PDE3B: variants seen among roughly 807,000 people sequenced by gnomAD.
PDE3B encodes phosphodiesterase 3B, also known as cGMP-inhibited 3',5'-cyclic phosphodiesterase 3B.
Under a neutral mutation model 116.8 loss-of-function variants are expected in PDE3B, and 66 were observed. The observed-to-expected ratio is 0.56, with a 90% confidence interval of 0.46 to 0.69. PDE3B has a LOEUF of 0.69. PDE3B is among the 30% of genes least tolerant of loss of function. The pLI is 0.00. For missense variants in PDE3B, 1,384 were observed against 1,368.1 expected (o/e 1.01, Z -0.18); for synonymous variants, 595 against 533.6 (o/e 1.12, Z -1.59).
chr11:14,656,840 T>C (rs1290702698), intron 1 of PDE3B, among the ~76,000 whole-genome samples: 1 of 152,204 alleles, frequency 6.6e-6, no homozygotes, highest in Non-Finnish European at 1.5e-5. Flanking sequence ...AAATCAATGG[T>C]AAAACGAATT....
chr11:14,792,856 C>T (rs1858433130), intron 4 of PDE3B, among the ~76,000 whole-genome samples: 1 of 152,110 alleles, frequency 6.6e-6, no homozygotes, highest in Non-Finnish European at 1.5e-5. Context: ...AAGGATAACA[C>T]CTGGAGGTCC....
At position 14,706,039 on chromosome 11, in the gene PDE3B, G is replaced by T. The variant is rs192717913; in HGVS notation, c.978+60986G>T. ...TTCAATAAACTGCTGAACAAGAAAAGGATGCAATGGCCATGTTGTTAGACT... is the reference window on the plus strand; with the variant it reads ...TTCAATAAACTGCTGAACAAGAAAATGATGCAATGGCCATGTTGTTAGACT... On this transcript the variant is annotated intron_variant, in intron 1 of 15. Transcript: ENST00000282096. Among the ~76,000 whole-genome samples, 268 of 151,898 alleles carry T rather than the reference G, an allele frequency of 1.8e-3. 1 individual carries two copies. Among genetic ancestry groups the T allele is most frequent in the Admixed American group, 3.4e-3 (52 of 15,226 alleles).
intron 1 of PDE3B, among the ~76,000 whole-genome samples, chr11:14,764,546 G>A (rs1590125193): frequency 6.6e-6 from 1 of 152,048 alleles, no homozygotes; most frequent in East Asian, 1.9e-4. Context: ...TTTATTAAAT[G>A]ACAAATATAA....
chr11:14,818,486 T>C (rs959463595), intron 6 of PDE3B, 93 bp downstream of exon 6: 48 of 747,784 alleles, frequency 6.4e-5, no homozygotes, highest in Admixed American at 9.8e-5. Flanking sequence ...AACTCCAGCT[T>C]TAAGCTAAAT....
intron 9 of PDE3B, among the ~76,000 whole-genome samples, chr11:14,832,517 T>C (rs1859917332): frequency 6.6e-6 from 1 of 152,192 alleles, no homozygotes; most frequent in South Asian, 2.1e-4. Context: ...TGGTAAGCCT[T>C]CTTTAATTTT....
At chr11:14,725,301 C>CTT (rs1278546821) in intron 1 of PDE3B, among the ~76,000 whole-genome samples, 9 of 118,880 alleles carry the variant, frequency 7.6e-5, no homozygotes, top group African/African-American at 2.0e-4. Context: ...TTCTTTCTTT[C>CTT]TTTCTTTCTC....
rs563186535 is a variant in PDE3B, at chr11:14,811,299, T to C, written c.1523-6884T>C. On this transcript the variant is annotated intron_variant, in intron 5 of 15. Coordinates refer to ENST00000282096, the MANE Select transcript of PDE3B (RefSeq NM_000922.4). ...TTTTCTTCTAGGGTTTTTGTGGTTT[T>C]AGGTCTAACGTTTAAGTCTTTAATC... is the stretch of plus-strand genomic sequence containing the variant. Among the ~76,000 whole-genome samples the C allele has an allele frequency of 2.8e-4, 43 of 152,328 alleles. No homozygotes were observed. In the South Asian group the frequency reaches 8.7e-3, roughly 31 times the overall value.
chr11:14,852,290 A>T (rs1847768442), intron 12 of PDE3B, among the ~76,000 whole-genome samples: 1 of 152,104 alleles, frequency 6.6e-6, no homozygotes, highest in Non-Finnish European at 1.5e-5. Context: ...TACTGACCTC[A>T]TGTGATCTGT....
At chr11:14,821,126 C>G (rs910532281) in intron 7 of PDE3B, among the ~76,000 whole-genome samples, 3 of 152,156 alleles carry the variant, frequency 2.0e-5, no homozygotes, top group African/African-American at 7.2e-5. Flanking sequence ...ATTGATTGGG[C>G]AGAATTTCCA....
At position 14,757,710 on chromosome 11, in the gene PDE3B, T is replaced by G. The variant is rs556294544; in HGVS notation, c.979-14227T>G. On this transcript the variant is annotated intron_variant, in intron 1 of 15. Coordinates refer to ENST00000282096, the MANE Select transcript of PDE3B (RefSeq NM_000922.4). ...TGTAGATTCTGGATATTAGCCCTTT[T>G]TCAGATGAGTAGGTTGCGAAAATTT... 1.8e-3 allele frequency among the ~76,000 whole-genome samples: 263 copies of G among 143,592 alleles called. 1 individual carries two copies. Among genetic ancestry groups the G allele is most frequent in the Middle Eastern group, 3.5e-3 (1 of 284 alleles). 94.2% of individuals were successfully genotyped at this position (143,592 alleles called of 152,430 possible).
intron 1 of PDE3B, among the ~76,000 whole-genome samples, chr11:14,681,480 G>A (rs946552420): frequency 6.6e-6 from 1 of 152,140 alleles, no homozygotes; most frequent in African/African-American, 2.4e-5. Context: ...CTTGCCATGA[G>A]TGTGAGGACT....
chr11:14,753,686 AAAAC>A (rs1405194390), intron 1 of PDE3B, among the ~76,000 whole-genome samples: 2 of 152,134 alleles, frequency 1.3e-5, no homozygotes, highest in East Asian at 3.8e-4. Context: ...AAGAGAATAA[AAAAC>A]AAAGTATCCC....
the PDE3B span, among the ~76,000 whole-genome samples, chr11:14,878,670 T>G: frequency 1.3e-5 from 2 of 152,054 alleles, no homozygotes; most frequent in Non-Finnish European, 2.9e-5. Flanking sequence ...AGGGGAAGAG[T>G]TTCTAGTCCA....
intron 3 of PDE3B, 154 bp from the exon 4 acceptor site, chr11:14,788,952 G>A (rs1858300775): frequency 2.1e-6 from 1 of 487,272 alleles, no homozygotes; most frequent in Non-Finnish European, 3.5e-6. Context: ...GAAATTTGGA[G>A]TAAATTGACA....
the PDE3B span, among the ~76,000 whole-genome samples, chr11:14,881,375 CAG>C: frequency 6.6e-6 from 1 of 152,116 alleles, no homozygotes; most frequent in Admixed American, 6.6e-5. Flanking sequence ...CTTAAAATTT[CAG>C]AGTCTCCACA....
intron 1 of PDE3B, among the ~76,000 whole-genome samples, chr11:14,726,370 C>T (rs1376421055): frequency 6.6e-6 from 1 of 152,016 alleles, no homozygotes; most frequent in African/African-American, 2.4e-5. Flanking sequence ...AGAATAATGC[C>T]TGGTATATAA....
Position 14,644,724 on chromosome 11 carries a change from C to T in PDE3B, c.649C>T (p.Arg217Trp), listed in dbSNP as rs752589632. The T allele has an allele frequency of 2.6e-5, 41 of 1,554,006 alleles. No individual in the cohort carries two copies. The highest frequency in any genetic ancestry group is 3.6e-5 in the Non-Finnish European group (41 of 1,151,964). Reference sequence around the variant, plus strand: ...GACGCTCGCGCACCCGCTGCGGCTCCGGCACTGCGTTCTGGTGCTGCTCCT... The same window carrying T: ...GACGCTCGCGCACCCGCTGCGGCTCTGGCACTGCGTTCTGGTGCTGCTCCT... Reference protein sequence around the residue: ...LLTLAHPLRLRHCVLVLLLAS... With the variant: ...LLTLAHPLRLWHCVLVLLLAS... Residue 217 changes from arginine to tryptophan, a missense_variant, in exon 1 of 16, where the codon CGG (arginine) becomes TGG (tryptophan). Arg to Trp is a moderately radical substitution (Grantham distance 101, BLOSUM62 -3). Transcript: ENST00000282096.
At chr11:14,883,610 G>A in the PDE3B span, among the ~76,000 whole-genome samples, 1 of 152,178 alleles carries the variant, frequency 6.6e-6, no homozygotes, top group East Asian at 1.9e-4. Context: ...TTACCATTCA[G>A]GAGATAGGCA....
intron 1 of PDE3B, chr11:14,699,482 A>C (rs2133815800): frequency 6.6e-6 from 1 of 152,004 alleles, no homozygotes; most frequent in Non-Finnish European, 1.5e-5. Flanking sequence ...GTGATATAGA[A>C]TACTTGAAAA....
Sources: gnomAD v4.1 joint callset for allele counts (sites outside exome capture counted in the v4.1 genomes callset) on GRCh38, gnomAD v4.1.1 for gene constraint, MANE v1.5 for transcripts, NCBI Gene and HGNC (gene_info 2026-07-23, HGNC 2026-07-21) for gene names.